TPM4: variants seen among roughly 807,000 people sequenced by gnomAD.
TPM4 encodes tropomyosin alpha-4 chain.
TPM4 carries 17 observed loss-of-function variants against 35.8 expected under a neutral mutation model. The ratio of observed to expected loss-of-function variants is 0.47; its 90% CI spans 0.32 to 0.71. TPM4 has a LOEUF of 0.71. Among genes scored for constraint, TPM4 ranks in the 30% least tolerant of loss-of-function variants. TPM4 has a pLI of 0.03. For synonymous variants in TPM4, 120 were observed against 122.9 expected (o/e 0.98, Z 0.15); for missense variants, 240 against 320.9 (o/e 0.75, Z 1.93).
rs866567321 is a variant in TPM4 at position 16,093,623 on chromosome 19, C to T, written c.594+25C>T. ...GGTGAGTGTGGTGGCACCCAGCGAG[C>T]TCTGGTTTCTCCTGGGGCTGGTCTT... On this transcript the variant is annotated intron_variant, in intron 6 of 7. Transcript: ENST00000643579. 45 of 1,614,172 alleles carry T rather than the reference C, an allele frequency of 2.8e-5. No individual in the cohort carries two copies. The Middle Eastern group carries it at 4.1e-3, about 148-fold the overall frequency.
chr19:16,088,976 T>C lies in TPM4; in HGVS notation c.456-69T>C, dbSNP rs568973144. 7 of 1,605,790 alleles carry C rather than the reference T, an allele frequency of 4.4e-6. No individual in the cohort carries two copies. In the African/African-American group the frequency reaches 5.4e-5, roughly 12 times the overall value. On this transcript the variant is annotated intron_variant, in intron 4 of 7. Coordinates refer to ENST00000643579, the MANE Select transcript of TPM4 (RefSeq NM_003290.3). ...GGTTTCTCCTTTGGAAAATTTATTG[T>C]TGGGGCGATTGCTATTATTGCCGGC...
At position 16,086,643 on chromosome 19, in the gene TPM4, G is replaced by A. The variant is rs142388378; in HGVS notation, c.384+103G>A. The A allele has an allele frequency of 2.1e-4, 198 of 924,962 alleles. 1 individual carries two copies. In the African/African-American group the frequency reaches 2.8e-3, roughly 13 times the overall value. The allele number at this position is 924,962 out of a possible 1,614,324, so 57.3% of individuals were successfully genotyped here. A position where few individuals can be genotyped will look rare whatever the true frequency, so the allele number is the denominator to read the frequency against. On this transcript the variant is annotated intron_variant, in intron 3 of 7. Coordinates refer to ENST00000643579, the MANE Select transcript of TPM4 (RefSeq NM_003290.3). ...CCAACGAAAGGAAGCTCTCGGTTAG[G>A]TCAGCTGTCCTCCTGCGTGAACATA... is the stretch of plus-strand genomic sequence containing the variant.
chr19:16,079,055 C>T (rs889088443), intron 1 of TPM4, among the ~76,000 whole-genome samples: 1 of 152,050 alleles, frequency 6.6e-6, no homozygotes, highest in African/African-American at 2.4e-5. Context: ...AGGGGTGGAA[C>T]CCAAAATGAC....
intron 2 of TPM4, among the ~76,000 whole-genome samples, chr19:16,085,496 G>A (rs1227232973): frequency 6.6e-6 from 1 of 151,870 alleles, no homozygotes; most frequent in Non-Finnish European, 1.5e-5. Context: ...AGCCTGAGAG[G>A]ACAAGGCTGC....
intron 4 of TPM4, chr19:16,088,579 C>T: frequency 1.2e-5 from 12 of 1,033,400 alleles, no homozygotes; most frequent in Non-Finnish European, 1.4e-5. Context: ...CTCTTGGCCC[C>T]GGGTGAGGAA....
upstream of TPM4, chr19:16,076,031 G>A (rs751602215): frequency 4.5e-6 from 7 of 1,557,728 alleles, no homozygotes; most frequent in African/African-American, 6.8e-5. Context: ...CCCGTTCCTC[G>A]CTCTGTCGTC....
chr19:16,067,813 A>C lies in TPM4; in HGVS notation c.114+75A>C. 7.0e-7 allele frequency: 1 copy of C among 1,429,990 alleles called. No homozygotes were observed. The highest frequency in any genetic ancestry group is 9.5e-7 in the Non-Finnish European group (1 of 1,051,196). 88.6% of individuals were successfully genotyped at this position (1,429,990 alleles called of 1,614,324 possible). On this transcript the variant is annotated intron_variant, in intron 2 of 2. Coordinates refer to the TPM4 transcript ENST00000589897. The surrounding 1 kb of genome is among the most constrained non-coding windows in gnomAD (Gnocchi z 4.1). ...TGCGGAAGGCCGGGGTCTGGAGCCC[A>C]GTTGGGGGTCGCAGACACCTGCGGG...
At chr19:16,073,596 C>G (rs1388383191), upstream of TPM4, among the ~76,000 whole-genome samples, 1 of 152,110 alleles carries the variant, frequency 6.6e-6, no homozygotes, top group Non-Finnish European at 1.5e-5. Context: ...TCTGACCCTG[C>G]CCTGATCAGC....
rs111599675 is a variant in TPM4, at chr19:16,102,760, G to A, written c.*1414G>A. 1,589 of 230,520 alleles carry A rather than the reference G, an allele frequency of 6.9e-3. 20 individuals are homozygous for A. Among genetic ancestry groups the A allele is most frequent in the African/African-American group, 0.03 (1,376 of 45,246 alleles). The allele number at this position is 230,520 out of a possible 1,614,324, so 14.3% of individuals were successfully genotyped here. A position where few individuals can be genotyped will look rare whatever the true frequency, so the allele number is the denominator to read the frequency against. On this transcript the variant is annotated 3_prime_UTR_variant, in exon 8 of 8. Coordinates refer to ENST00000643579, the MANE Select transcript of TPM4 (RefSeq NM_003290.3). ...AGAACATTCCACATTCCCCAGCAGC[G>A]TGTGGGGGCTGACTAAAGTTTACAA...
chr19:16,073,961 C>A (rs962949863), upstream of TPM4, among the ~76,000 whole-genome samples: 158 of 30,164 alleles, frequency 5.2e-3, no homozygotes, highest in South Asian at 7.0e-3. Flanking sequence ...AAAAAAAAAA[C>A]GCAAAAAAAA....
Position 16,070,131 on chromosome 19 carries a change from G to T in TPM4, c.114+2393G>T, listed in dbSNP as rs1234692648. The stretch of plus-strand genomic sequence containing the variant: ...GTATGTGGGGGTGTCCCTGCTAAAA[G>T]CCTGGAGGCCGGGGCAGGTGGGCTG... On this transcript the variant is annotated intron_variant, in intron 2 of 2. Coordinates refer to the TPM4 transcript ENST00000589897. The surrounding 1 kb of genome is among the most constrained non-coding windows in gnomAD (Gnocchi z 7.4). 2.0e-5 allele frequency among the ~76,000 whole-genome samples: 3 copies of T among 152,154 alleles called. No individual in the cohort carries two copies. Among genetic ancestry groups the T allele is most frequent in the Admixed American group, 6.5e-5 (1 of 15,290 alleles).
At chr19:16,087,754 G>A (rs1212619451) in intron 3 of TPM4, among the ~76,000 whole-genome samples, 1 of 151,580 alleles carries the variant, frequency 6.6e-6, no homozygotes, top group African/African-American at 2.4e-5. Flanking sequence ...GGTGGCACGC[G>A]CCTGTAGTCC....
upstream of TPM4, chr19:16,076,119 G>A (rs773964112): frequency 6.3e-7 from 1 of 1,590,696 alleles, no homozygotes; most frequent in South Asian, 1.1e-5. Flanking sequence ...ATATTCCGAG[G>A]ACCTGAAGGA....
At position 16,076,587 on chromosome 19, in the gene TPM4, G is replaced by C; in HGVS notation, c.22G>C (p.Glu8Gln). 6.8e-7 allele frequency: 1 copy of C among 1,470,058 alleles called. No homozygotes were observed. The allele number at this position is 1,470,058 out of a possible 1,614,324, so 91.1% of individuals were successfully genotyped here. ...CGCCATGGCCGGCCTCAACTCCCTG[G>C]AGGCGGTGAAACGCAAGATCCAGGC... is the stretch of plus-strand genomic sequence containing the variant. Reference protein sequence around the residue: MAGLNSLEAVKRKIQALQ... With the variant: MAGLNSLQAVKRKIQALQ... Residue 8 changes from glutamate (E) to glutamine (Q), a missense_variant, in exon 1 of 8, where the codon GAG becomes CAG. By Grantham distance (29) the Glu-to-Gln change is conservative (BLOSUM62 2). Transcript: ENST00000643579.
chr19:16,091,830 C>T (rs533262077), intron 5 of TPM4, among the ~76,000 whole-genome samples: 411 of 152,250 alleles, frequency 2.7e-3, no homozygotes, highest in Middle Eastern at 0.01. Flanking sequence ...GTGACCCTTT[C>T]CTCCCCTATA....
intron 2 of TPM4, among the ~76,000 whole-genome samples, chr19:16,082,825 CTACAAAAAA>C (rs2090499975): frequency 6.6e-6 from 1 of 151,800 alleles, no homozygotes; most frequent in African/African-American, 2.4e-5. Context: ...GACCCTGTCT[CTACAAAAAA>C]TACAAAAATT....
chr19:16,068,781 G>C (rs1462531595), intron 2 of TPM4, among the ~76,000 whole-genome samples: 1 of 152,054 alleles, frequency 6.6e-6, no homozygotes, highest in Non-Finnish European at 1.5e-5. Flanking sequence ...ATCTGTGTGT[G>C]TTTGAGCCTT....
upstream of TPM4, among the ~76,000 whole-genome samples, chr19:16,073,983 C>A (rs2144912887): frequency 4.0e-5 from 3 of 75,378 alleles, no homozygotes; most frequent in African/African-American, 9.4e-5. Flanking sequence ...AAATAATGCA[C>A]ACACACACAC....
In TPM4 at chr19:16,102,632, C is replaced by A; in HGVS notation, c.*1286C>A. 4.4e-6 allele frequency: 1 copy of A among 228,678 alleles called. No homozygotes were observed. The highest frequency in any genetic ancestry group is 8.7e-6 in the Non-Finnish European group (1 of 115,196). 14.2% of individuals were successfully genotyped at this position (228,678 alleles called of 1,614,324 possible). ...TCTTTGGGACCAAGTTAATAAAAGACCAAGAAACTCCTGATTAAACTGGAT... is the reference window on the plus strand; with the variant it reads ...TCTTTGGGACCAAGTTAATAAAAGAACAAGAAACTCCTGATTAAACTGGAT... On this transcript the variant is annotated 3_prime_UTR_variant, in exon 8 of 8. Transcript: ENST00000643579.
Sources: gnomAD v4.1 joint callset for allele counts (sites outside exome capture counted in the v4.1 genomes callset) on GRCh38, gnomAD v4.1.1 for gene constraint, Gnocchi (gnomAD v3.1) non-coding constraint, MANE v1.5 for transcripts, NCBI Gene and HGNC (gene_info 2026-07-23, HGNC 2026-07-21) for gene names.